ATP6V1H: variants seen among roughly 807,000 people sequenced by gnomAD.
ATP6V1H encodes V-type proton ATPase subunit H.
In ATP6V1H, 39 loss-of-function variants were observed where a neutral mutation model predicts 71.7. That is an observed-to-expected ratio of 0.54 (90% CI 0.42 to 0.71). The LOEUF (loss-of-function observed/expected upper bound fraction) is 0.71. Among genes scored for constraint, ATP6V1H ranks in the 30% least tolerant of loss-of-function variants. The pLI, the probability that ATP6V1H is intolerant of heterozygous loss-of-function variation, is 0.00. For missense variants in ATP6V1H, 509 were observed against 594.9 expected, an observed-to-expected ratio of 0.86 and a Z score of 1.50; for synonymous variants, 192 against 199.3, an observed-to-expected ratio of 0.96 and a Z score of 0.31.
intron 3 of ATP6V1H, among the ~76,000 whole-genome samples, chr8:53,831,552 C>T (rs373014507): frequency 2.0e-5 from 3 of 152,132 alleles, no homozygotes; most frequent in African/African-American, 7.2e-5. Context: ...AACACTATTA[C>T]GTTAAGATAC....
rs747310950 is a variant in ATP6V1H, at chr8:53,795,764, T to G, written c.753A>C (p.Ala251=). ...YQMIFSIWLL[A]FSPQMCEHLR... ...GGTGTTCACACATTTGAGGACTGAA[T>G]GCCAGGAGCCATATTGAAAAAATCA... is the stretch of plus-strand genomic sequence containing the variant. The change falls in exon 9 of 14, where the codon GCA becomes GCC. Residue 251 remains alanine (A), a synonymous_variant. Coordinates refer to ENST00000359530, the MANE Select transcript of ATP6V1H (RefSeq NM_015941.4). The G allele has an allele frequency of 2.5e-6, 4 of 1,614,116 alleles. No individual in the cohort carries two copies. The highest frequency in any genetic ancestry group is 3.4e-6 in the Non-Finnish European group (4 of 1,179,996).
chr8:53,771,071 C>T (rs967725998), intron 10 of ATP6V1H, among the ~76,000 whole-genome samples: 2 of 152,206 alleles, frequency 1.3e-5, no homozygotes, highest in South Asian at 2.1e-4. Flanking sequence ...TTCTGGAGCA[C>T]ATACTATGCT....
intron 5 of ATP6V1H, among the ~76,000 whole-genome samples, chr8:53,815,361 A>G (rs1316840508): frequency 1.3e-5 from 2 of 152,188 alleles, no homozygotes; most frequent in African/African-American, 4.8e-5. Flanking sequence ...CCATACACAA[A>G]CCAATTTAAT....
At chr8:53,769,955 C>T (rs893546138) in intron 10 of ATP6V1H, among the ~76,000 whole-genome samples, 1 of 152,122 alleles carries the variant, frequency 6.6e-6, no homozygotes, top group Non-Finnish European at 1.5e-5. Flanking sequence ...TCCAACCCTC[C>T]TGTCAAATTT....
intron 13 of ATP6V1H, among the ~76,000 whole-genome samples, chr8:53,733,977 G>A (rs942416896): frequency 7.2e-5 from 11 of 152,120 alleles, no homozygotes; most frequent in African/African-American, 1.9e-4. Context: ...ACAACTAGAC[G>A]GGGTTTCTAA....
intron 7 of ATP6V1H, among the ~76,000 whole-genome samples, chr8:53,805,556 A>G (rs780323295): frequency 3.3e-4 from 50 of 152,216 alleles, no homozygotes; most frequent in African/African-American, 1.2e-3. Context: ...TGGAATTTTC[A>G]TGCTTTGTTG....
Position 53,832,005 on chromosome 8 carries a change from T to G in ATP6V1H, c.216+979A>C, listed in dbSNP as rs373279359. 6 of 152,252 alleles carry G rather than the reference T, an allele frequency of 3.9e-5. No individual in the cohort carries two copies. In the East Asian group the frequency reaches 7.7e-4, roughly 20 times the overall value. 9.4% of individuals were successfully genotyped at this position (152,252 alleles called of 1,614,324 possible). A position where few individuals can be genotyped will look rare whatever the true frequency, so the allele number is the denominator to read the frequency against. ...TGCAACAGTATAGAATTAGTTTAGA[T>G]CATTATGGTTCATCCATTAAATGGA... is the stretch of plus-strand genomic sequence containing the variant. On this transcript the variant is annotated intron_variant, in intron 3 of 13. Coordinates refer to ENST00000359530, the MANE Select transcript of ATP6V1H (RefSeq NM_015941.4).
At chr8:53,834,863 T>G (rs1273751202) in intron 2 of ATP6V1H, among the ~76,000 whole-genome samples, 1 of 150,552 alleles carries the variant, frequency 6.6e-6, no homozygotes, top group Non-Finnish European at 1.5e-5. Context: ...ACAGTTAGGC[T>G]AGGTGCAGTG....
Position 53,824,101 on chromosome 8 carries a change from C to T in ATP6V1H, c.306+5343G>A, listed in dbSNP as rs532353284. On this transcript the variant is annotated intron_variant, in intron 4 of 13. Coordinates refer to ENST00000359530, the MANE Select transcript of ATP6V1H (RefSeq NM_015941.4). ...AAGCATAAGATTTAATAAGATTAGT[C>T]TTCTATGAAAGTAAATGTAAAAGCT... Among the ~76,000 whole-genome samples the T allele has an allele frequency of 1.6e-4, 24 of 151,824 alleles. No homozygotes were observed. The South Asian group carries it at 2.1e-3, about 13-fold the overall frequency.
chr8:53,780,560 C>CT (rs1305913696), intron 9 of ATP6V1H, among the ~76,000 whole-genome samples: 1 of 151,378 alleles, frequency 6.6e-6, no homozygotes, highest in African/African-American at 2.4e-5. Context: ...TATTATTACA[C>CT]TTTAAGTTTT....
intron 4 of ATP6V1H, among the ~76,000 whole-genome samples, chr8:53,821,337 C>T (rs1810648257): frequency 7.1e-6 from 1 of 141,726 alleles, no homozygotes; most frequent in Non-Finnish European, 1.5e-5. Context: ...CATGCCACTA[C>T]ACTCCAGCCT....
intron 13 of ATP6V1H, among the ~76,000 whole-genome samples, chr8:53,733,518 T>A (rs914775997): frequency 6.6e-6 from 1 of 152,330 alleles, no homozygotes; most frequent in East Asian, 1.9e-4. Flanking sequence ...CCTGGAGGAC[T>A]GTGGGTATAA....
At chr8:53,724,971 C>T (rs1024973470) in intron 13 of ATP6V1H, among the ~76,000 whole-genome samples, 1 of 151,848 alleles carries the variant, frequency 6.6e-6, no homozygotes, top group East Asian at 1.9e-4. Flanking sequence ...AGCTTACCTA[C>T]AAACTTAAAT....
chr8:53,784,322 G>A lies in ATP6V1H; in HGVS notation c.870+11325C>T, dbSNP rs189741937. ...GGCCTTGTCTCTTTTGATCTTTGTT[G>A]GTTTAAAGTCTGTTTTATCAGAGAC... On this transcript the variant is annotated intron_variant, in intron 9 of 13. Transcript: ENST00000359530. Among the ~76,000 whole-genome samples the A allele has an allele frequency of 5.9e-3, 894 of 152,222 alleles. 9 individuals carry two copies. The highest frequency in any genetic ancestry group is 0.01 in the Middle Eastern group (3 of 294).
chr8:53,752,278 G>A (rs751604889), intron 12 of ATP6V1H, among the ~76,000 whole-genome samples: 4 of 152,078 alleles, frequency 2.6e-5, no homozygotes, highest in Non-Finnish European at 5.9e-5. Context: ...TACTGAATGC[G>A]ACCAACAAGT....
chr8:53,747,667 G>A (rs1446685609), intron 12 of ATP6V1H, among the ~76,000 whole-genome samples: 1 of 151,848 alleles, frequency 6.6e-6, no homozygotes, highest in African/African-American at 2.4e-5. Flanking sequence ...AGCCTCCCGA[G>A]TAGCTGGGAT....
chr8:53,749,141 A>G (rs1407466636), intron 12 of ATP6V1H, among the ~76,000 whole-genome samples: 1 of 152,258 alleles, frequency 6.6e-6, no homozygotes, highest in Non-Finnish European at 1.5e-5. Context: ...CAAAGTGAAA[A>G]GTGTTACATA....
chr8:53,758,043 AC>A (rs1290963655), intron 11 of ATP6V1H, among the ~76,000 whole-genome samples: 1 of 152,180 alleles, frequency 6.6e-6, no homozygotes, highest in East Asian at 1.9e-4. Flanking sequence ...CAGTGAAGAA[AC>A]CTTTCCACTT....
intron 2 of ATP6V1H, chr8:53,839,817 T>C (rs1811286534): frequency 1.0e-6 from 1 of 985,328 alleles, no homozygotes; most frequent in Non-Finnish European, 1.2e-6. Context: ...TAACTTCATA[T>C]CAATCATGGG....
Sources: allele counts gnomAD v4.1 joint callset (sites outside exome capture counted in the v4.1 genomes callset), GRCh38; gene constraint gnomAD v4.1.1; transcripts MANE v1.5; gene names NCBI Gene and HGNC (gene_info 2026-07-23, HGNC 2026-07-21).